Variants in C20orf96 observed in about 807,000 individuals in gnomAD.
C20orf96 encodes chromosome 20 open reading frame 96.
Under a neutral mutation model 52.6 loss-of-function variants are expected in C20orf96, and 57 were observed. That is an observed-to-expected ratio of 1.08 (90% CI 0.88 to 1.35). The LOEUF (loss-of-function observed/expected upper bound fraction) is 1.35. Among genes scored for constraint, C20orf96 ranks in the 40% most tolerant of loss-of-function variants. The pLI is 0.00. For synonymous variants in C20orf96, 168 were observed against 157.2 expected, an observed-to-expected ratio of 1.07 and a Z score of -0.51; for missense variants, 478 against 443.6, an observed-to-expected ratio of 1.08 and a Z score of -0.70.
chr20:283,917 C>G (rs767905463), intron 4 of C20orf96, 46 bp downstream of exon 4: 1 of 1,350,680 alleles, frequency 7.4e-7, no homozygotes, highest in Non-Finnish European at 1.1e-6. Context: ...GCCATCATCC[C>G]CGTCCCTGTC....
Position 279,317 on chromosome 20 carries a change from C to A in C20orf96, c.320G>T (p.Ser107Ile). The change falls in exon 5 of 11, where the codon AGC (serine) becomes ATC (isoleucine). Residue 107 changes from serine (S) to isoleucine (I), a missense_variant. Physicochemically the swap from Ser to Ile is moderately radical, Grantham distance 142. Coordinates refer to ENST00000360321, the MANE Select transcript of C20orf96 (RefSeq NM_153269.3). ...GAGCTCTCGCAGAGCGGCCCTCCCG[C>A]TCCTGAGCGAGGTCTGCGGGCGGAG... ...KIWLMKTSLR[S>I]GRAALRELRS... The A allele has an allele frequency of 5.6e-6, 9 of 1,604,434 alleles. No individual in the cohort carries two copies. Among genetic ancestry groups the A allele is most frequent in the Non-Finnish European group, 6.8e-6 (8 of 1,178,168 alleles).
At chr20:272,037 T>C (rs1455233664) in intron 10 of C20orf96, among the ~76,000 whole-genome samples, 1 of 152,078 alleles carries the variant, frequency 6.6e-6, no homozygotes, top group Non-Finnish European at 1.5e-5. Context: ...ATGAAGTATT[T>C]AGGCAGGAAA....
At chr20:290,224 G>A (rs1271758452) in intron 2 of C20orf96, 35 bp downstream of exon 2, 1 of 1,552,024 alleles carries the variant, frequency 6.4e-7, no homozygotes, top group Admixed American at 1.7e-5. Flanking sequence ...GGGCCAGCGA[G>A]CCTCCCACCC....
chr20:279,408 G>C, intron 4 of C20orf96, 78 bp from the exon 5 acceptor site: 1 of 1,432,312 alleles, frequency 7.0e-7, no homozygotes, highest in Non-Finnish European at 9.1e-7. Context: ...TGGACCCGCC[G>C]CCCCGGCCCC....
intron 2 of C20orf96, among the ~76,000 whole-genome samples, 199 bp downstream of exon 2, chr20:290,060 A>T (rs1381816082): frequency 6.6e-6 from 1 of 152,190 alleles, no homozygotes; most frequent in African/African-American, 2.4e-5. Flanking sequence ...ATACCCTTAC[A>T]TTCTGATAAG....
chr20:271,001 G>T lies in C20orf96; in HGVS notation c.*206C>A. 1.8e-6 allele frequency: 1 copy of T among 541,670 alleles called. No individual in the cohort carries two copies. Among genetic ancestry groups the T allele is most frequent in the East Asian group, 3.4e-5 (1 of 29,670 alleles). The allele number at this position is 541,670 out of a possible 1,614,324, so 33.6% of individuals were successfully genotyped here. On this transcript the variant is annotated 3_prime_UTR_variant, in exon 11 of 11. Transcript: ENST00000360321. Reference sequence around the variant, plus strand: ...CAGGAAGAAAGAAAGGAGGGAGGGAGGGAGAGGAGGAAGGAAGGAGGAGGG... The same window carrying T: ...CAGGAAGAAAGAAAGGAGGGAGGGATGGAGAGGAGGAAGGAAGGAGGAGGG...
Position 277,230 on chromosome 20 carries a change from T to C in C20orf96, c.719A>G (p.Gln240Arg), listed in dbSNP as rs761344398. The change falls in exon 7 of 11, where the codon CAG becomes CGG. Residue 240 changes from glutamine (Q) to arginine (R), a missense_variant. Physicochemically the swap from Gln to Arg is conservative, Grantham distance 43 (BLOSUM62 1). Coordinates refer to ENST00000360321, the MANE Select transcript of C20orf96 (RefSeq NM_153269.3). ...GAGGGGCAGGGGCTCCCCTACCTGC[T>C]GGCTGTCCTTAACCTGCTGCAGCTG... is the stretch of plus-strand genomic sequence containing the variant. ...MRQLQQVKDSQQDELDDLGEM... is the reference protein window; with the variant it reads ...MRQLQQVKDSRQDELDDLGEM... The C allele has an allele frequency of 6.2e-6, 10 of 1,614,164 alleles. No individual in the cohort carries two copies. The highest frequency in any genetic ancestry group is 4.5e-5 in the East Asian group (2 of 44,870).
chr20:279,289 T>A lies in C20orf96; in HGVS notation c.348A>T (p.Arg116=). The A allele has an allele frequency of 6.2e-7, 1 of 1,609,126 alleles. No homozygotes were observed. The highest frequency in any genetic ancestry group is 8.5e-7 in the Non-Finnish European group (1 of 1,179,054). The change falls in exon 5 of 11, where the codon CGA becomes CGT. Residue 116 remains arginine (R), a synonymous_variant. Coordinates refer to ENST00000360321, the MANE Select transcript of C20orf96 (RefSeq NM_153269.3). ...GCTTGCTGAGGAAGTTCTCACGGCT[T>A]CGGAGCTCTCGCAGAGCGGCCCTCC... ...RSGRAALREL[R]SRENFLSKLN...
At chr20:272,042 A>C (rs940071632) in intron 10 of C20orf96, among the ~76,000 whole-genome samples, 2 of 152,208 alleles carry the variant, frequency 1.3e-5, no homozygotes, top group Non-Finnish European at 2.9e-5. Context: ...GTATTTAGGC[A>C]GGAAATGTCA....
rs2012423791 is a variant in C20orf96 at position 287,795 on chromosome 20, G to T, written c.187+1764C>A. 3.3e-5 allele frequency among the ~76,000 whole-genome samples: 5 copies of T among 151,628 alleles called. No individual in the cohort carries two copies. The South Asian group carries it at 1.0e-3, about 32-fold the overall frequency. On this transcript the variant is annotated intron_variant, in intron 3 of 10. Transcript: ENST00000360321. ...ATGGTGGCACACGCCTTCAGTCCCAGCTACTCGGGAGGCTAAGGCAGGAGA... is the reference window on the plus strand; with the variant it reads ...ATGGTGGCACACGCCTTCAGTCCCATCTACTCGGGAGGCTAAGGCAGGAGA...
At chr20:286,431 C>T (rs2012387111) in intron 3 of C20orf96, among the ~76,000 whole-genome samples, 1 of 151,916 alleles carries the variant, frequency 6.6e-6, no homozygotes, top group African/African-American at 2.4e-5. Context: ...GCAGGGGAAT[C>T]GCTTGAACCC....
At chr20:288,828 A>G (rs1423754436) in intron 3 of C20orf96, among the ~76,000 whole-genome samples, 1 of 152,224 alleles carries the variant, frequency 6.6e-6, no homozygotes, top group African/African-American at 2.4e-5. Context: ...AGGATACCAA[A>G]GAAATATTAC....
chr20:289,107 C>T (rs567956854), intron 3 of C20orf96, among the ~76,000 whole-genome samples: 7 of 152,240 alleles, frequency 4.6e-5, no homozygotes, highest in Admixed American at 1.3e-4. Flanking sequence ...CTACATTTCC[C>T]ACCTTCCCTT....
chr20:274,282 T>C (rs774801495), intron 10 of C20orf96, among the ~76,000 whole-genome samples: 21 of 152,016 alleles, frequency 1.4e-4, no homozygotes, highest in Non-Finnish European at 2.9e-4. Context: ...GGCCTCTCTC[T>C]GCCCCCTTAA....
chr20:278,224 A>C (rs6046492), intron 6 of C20orf96, 106 bp downstream of exon 6: 2 of 832,748 alleles, frequency 2.4e-6, no homozygotes, highest in East Asian at 4.9e-5. Flanking sequence ...GAAGAGAGCC[A>C]ATGGGGCTGA....
chr20:279,160 C>G lies in C20orf96; in HGVS notation c.465+12G>C. On this transcript the variant is annotated intron_variant, in intron 5 of 10. Transcript: ENST00000360321. ...GGAGGGACGGAGGGCGGGCGGATGC[C>G]GCGGGTCTCACCGCCAGGGTGTCCT... 1 of 1,562,748 alleles carries G rather than the reference C, an allele frequency of 6.4e-7. No homozygotes were observed. The highest frequency in any genetic ancestry group is 2.4e-5 in the East Asian group (1 of 40,980).
chr20:279,308 G>C lies in C20orf96; in HGVS notation c.329C>G (p.Ala110Gly). ...LMKTSLRSGR[A>G]ALRELRSREN... The stretch of plus-strand genomic sequence containing the variant: ...ACGGCTTCGGAGCTCTCGCAGAGCG[G>C]CCCTCCCGCTCCTGAGCGAGGTCTG... The change falls in exon 5 of 11, where the codon GCC becomes GGC. Residue 110 changes from alanine (A) to glycine (G), a missense_variant. Physicochemically the swap from Ala to Gly is moderately conservative, Grantham distance 60. Transcript: ENST00000360321. 6.2e-7 allele frequency: 1 copy of C among 1,607,152 alleles called. No individual in the cohort carries two copies. The highest frequency in any genetic ancestry group is 8.5e-7 in the Non-Finnish European group (1 of 1,179,024).
Position 283,957 on chromosome 20 carries a change from T to C in C20orf96, c.306+6A>G. 1 of 1,594,620 alleles carries C rather than the reference T, an allele frequency of 6.3e-7. No individual in the cohort carries two copies. On this transcript the variant is annotated splice_donor_region_variant and intron_variant, in intron 4 of 10. Transcript: ENST00000360321. ...GCCCAGTGTCCAGGGAAGATGTGCC[T>C]CATACCTTCATTAACCAGATTTTGG...
At position 276,935 on chromosome 20, in the gene C20orf96, T is replaced by A. The variant is rs533442842; in HGVS notation, c.826-56A>T. On this transcript the variant is annotated intron_variant, in intron 8 of 10. Coordinates refer to ENST00000360321, the MANE Select transcript of C20orf96 (RefSeq NM_153269.3). ...GTGCCTCTTCCTGGGCAGCAGAACA[T>A]GGTAGAGACCGATGGGGCTGCAGTG... 1.7e-5 allele frequency: 28 copies of A among 1,608,320 alleles called. No individual in the cohort carries two copies. In the African/African-American group the frequency reaches 3.6e-4, roughly 21 times the overall value.
Sources: allele counts gnomAD v4.1 joint callset (sites outside exome capture counted in the v4.1 genomes callset), GRCh38; gene constraint gnomAD v4.1.1; transcripts MANE v1.5; gene names NCBI Gene and HGNC (gene_info 2026-07-23, HGNC 2026-07-21).